Variants in NXPE2 observed in about 807,000 individuals in gnomAD.
NXPE2 encodes NXPE family member 2.
In NXPE2, 34 loss-of-function variants were observed where a neutral mutation model predicts 34.4. That is an observed-to-expected ratio of 0.99 (90% CI 0.75 to 1.31). The LOEUF (loss-of-function observed/expected upper bound fraction) is 1.31, where lower values mean the gene tolerates loss of function less well. NXPE2 is among the 40% of genes most tolerant of loss of function. The pLI is 0.00. For synonymous variants in NXPE2, 235 were observed against 231.3 expected (o/e 1.02, Z -0.15); for missense variants, 649 against 672.5 (o/e 0.97, Z 0.39).
At chr11:114,749,821 C>A in the NXPE2 span, among the ~76,000 whole-genome samples, 2 of 152,108 alleles carry the variant, frequency 1.3e-5, no homozygotes, top group Non-Finnish European at 2.9e-5. Flanking sequence ...TCACCGTAAA[C>A]CTCCTTCCAC....
chr11:114,610,483 T>C, the NXPE2 span, among the ~76,000 whole-genome samples: 1 of 151,828 alleles, frequency 6.6e-6, no homozygotes, highest in Non-Finnish European at 1.5e-5. Flanking sequence ...GTAACCACTG[T>C]TACCCAGTGG....
chr11:114,638,424 C>T, the NXPE2 span, among the ~76,000 whole-genome samples: 44 of 152,116 alleles, frequency 2.9e-4, 1 homozygote, highest in East Asian at 8.5e-3. Context: ...CCTCCTGTAG[C>T]TCAGAGTAGT....
the NXPE2 span, among the ~76,000 whole-genome samples, chr11:114,759,115 C>G: frequency 6.6e-6 from 1 of 152,146 alleles, no homozygotes; most frequent in Non-Finnish European, 1.5e-5. Flanking sequence ...CACTCTCTCT[C>G]TGTCTCTTTC....
chr11:114,589,735 C>T, the NXPE2 span, among the ~76,000 whole-genome samples: 1 of 152,152 alleles, frequency 6.6e-6, no homozygotes, highest in African/African-American at 2.4e-5. Flanking sequence ...TAATCGGAGA[C>T]AATATCCCCT....
the NXPE2 span, among the ~76,000 whole-genome samples, chr11:114,476,206 T>TA: frequency 2.6e-5 from 4 of 152,134 alleles, no homozygotes; most frequent in Non-Finnish European, 4.4e-5. Flanking sequence ...AAAATATTGA[T>TA]AAAAAATAAA....
the NXPE2 span, among the ~76,000 whole-genome samples, chr11:114,559,572 C>T: frequency 2.0e-5 from 3 of 151,854 alleles, no homozygotes; most frequent in Admixed American, 2.0e-4. Context: ...CCGTCAAAAC[C>T]AGCCTATCCT....
At chr11:114,805,248 C>T in the NXPE2 span, among the ~76,000 whole-genome samples, 1 of 151,296 alleles carries the variant, frequency 6.6e-6, no homozygotes, top group East Asian at 2.0e-4. Flanking sequence ...TGGTCTACAG[C>T]TCCCAGCATG....
chr11:114,625,881 G>C, the NXPE2 span, among the ~76,000 whole-genome samples: 3 of 152,146 alleles, frequency 2.0e-5, no homozygotes, highest in African/African-American at 7.2e-5. Flanking sequence ...AGGGGTCAGG[G>C]AGTTCCCTTT....
At chr11:114,585,700 G>T in the NXPE2 span, among the ~76,000 whole-genome samples, 1 of 152,262 alleles carries the variant, frequency 6.6e-6, no homozygotes, top group South Asian at 2.1e-4. Flanking sequence ...TAGGTAGACA[G>T]TGAGGGTAAA....
chr11:114,587,393 A>G, the NXPE2 span, among the ~76,000 whole-genome samples: 2 of 152,216 alleles, frequency 1.3e-5, no homozygotes, highest in Admixed American at 1.3e-4. Context: ...CATAATAGCA[A>G]ATTGTACAGC....
At chr11:114,722,306 ACT>A in the NXPE2 span, among the ~76,000 whole-genome samples, 1 of 150,420 alleles carries the variant, frequency 6.6e-6, no homozygotes, top group African/African-American at 2.4e-5. Context: ...TCCCCTTCTC[ACT>A]CTCTCTTGGC....
chr11:114,598,649 T>G, the NXPE2 span, among the ~76,000 whole-genome samples: 3 of 150,056 alleles, frequency 2.0e-5, no homozygotes, highest in African/African-American at 4.9e-5. Context: ...AGCAATGGCT[T>G]GAGCTGTACC....
chr11:114,699,181 A>G (rs1275368583), intron 3 of NXPE2, among the ~76,000 whole-genome samples: 1 of 152,152 alleles, frequency 6.6e-6, no homozygotes, highest in African/African-American at 2.4e-5. Flanking sequence ...ACATCCAGTG[A>G]ATCATCAAGC....
chr11:114,808,683 G>A, the NXPE2 span, among the ~76,000 whole-genome samples: 1 of 151,364 alleles, frequency 6.6e-6, no homozygotes, highest in Non-Finnish European at 1.5e-5. Context: ...AACAGGCTCT[G>A]AAATTGAGGC....
the NXPE2 span, among the ~76,000 whole-genome samples, chr11:114,734,463 T>C: frequency 6.6e-6 from 1 of 152,238 alleles, no homozygotes; most frequent in Non-Finnish European, 1.5e-5. Context: ...GGTTTACTTT[T>C]CTTTGTAATC....
the NXPE2 span, among the ~76,000 whole-genome samples, chr11:114,793,490 T>C: frequency 6.6e-6 from 1 of 152,166 alleles, no homozygotes; most frequent in Non-Finnish European, 1.5e-5. Flanking sequence ...ACTGTAGATA[T>C]GATAGAAAAC....
the NXPE2 span, among the ~76,000 whole-genome samples, chr11:114,623,760 T>A: frequency 6.6e-6 from 1 of 152,150 alleles, no homozygotes; most frequent in African/African-American, 2.4e-5. Flanking sequence ...TGGTGGATAA[T>A]ACATGTTGCC....
At chr11:114,657,907 C>G in the NXPE2 span, among the ~76,000 whole-genome samples, 5 of 152,210 alleles carry the variant, frequency 3.3e-5, no homozygotes, top group African/African-American at 9.6e-5. Context: ...CAATCAAAGA[C>G]GAATAGAATA....
the NXPE2 span, among the ~76,000 whole-genome samples, chr11:114,774,156 G>A: frequency 6.6e-6 from 1 of 152,320 alleles, no homozygotes; most frequent in African/African-American, 2.4e-5. Context: ...TTGTACCAGA[G>A]CATGTTCCAT....
Sources: allele counts gnomAD v4.1 joint callset (sites outside exome capture counted in the v4.1 genomes callset), GRCh38; gene constraint gnomAD v4.1.1; transcripts MANE v1.5; gene names NCBI Gene and HGNC (gene_info 2026-07-23, HGNC 2026-07-21).